The following TMPRSS7 variants were observed in gnomAD, a reference collection of about 807,000 sequenced individuals.
The protein encoded by TMPRSS7 is transmembrane protease serine 7.
In TMPRSS7, 81 loss-of-function variants were observed where a neutral mutation model predicts 95.6. The ratio of observed to expected loss-of-function variants is 0.85; its 90% CI spans 0.71 to 1.02. The LOEUF (loss-of-function observed/expected upper bound fraction) is 1.02, where lower values mean the gene tolerates loss of function less well. TMPRSS7 is among the 50% of genes least tolerant of loss of function. The pLI is 0.00. For missense variants in TMPRSS7, 945 were observed against 955.2 expected (o/e 0.99, Z 0.14); for synonymous variants, 364 against 337.8 (o/e 1.08, Z -0.85).
chr3:112,051,527 CTATCT>C (rs1440563276), intron 9 of TMPRSS7, among the ~76,000 whole-genome samples: 2 of 133,470 alleles, frequency 1.5e-5, no homozygotes, highest in African/African-American at 5.8e-5. Context: ...ATCTATCTAT[CTATCT>C]ATCTATCTAT....
intron 17 of TMPRSS7, among the ~76,000 whole-genome samples, chr3:112,080,403 G>A (rs968219290): frequency 6.6e-6 from 1 of 152,134 alleles, no homozygotes; most frequent in African/African-American, 2.4e-5. Context: ...AACCACTAAA[G>A]TTGCATGGCC....
intron 3 of TMPRSS7, chr3:112,042,986 A>T (rs2073228538): frequency 2.0e-5 from 9 of 455,550 alleles, no homozygotes; most frequent in South Asian, 1.2e-4. Context: ...GAATGAGGAA[A>T]GGTGGTGAGA....
intron 9 of TMPRSS7, among the ~76,000 whole-genome samples, chr3:112,052,649 A>G (rs895535480): frequency 6.6e-6 from 1 of 152,144 alleles, no homozygotes; most frequent in African/African-American, 2.4e-5. Flanking sequence ...TAGGGAAGGA[A>G]GAGGGAAAGG....
chr3:112,055,366 T>C (rs943536477), intron 9 of TMPRSS7, among the ~76,000 whole-genome samples: 8 of 152,062 alleles, frequency 5.3e-5, no homozygotes, highest in African/African-American at 1.9e-4. Context: ...AAACATAAAG[T>C]GCCTGATTCA....
intron 12 of TMPRSS7, among the ~76,000 whole-genome samples, chr3:112,065,655 T>C (rs2073567963): frequency 6.6e-6 from 1 of 152,212 alleles, no homozygotes; most frequent in Non-Finnish European, 1.5e-5. Context: ...AATATCCTCC[T>C]ACCTGCCCTC....
At chr3:112,045,230 G>A (rs9829091) in intron 4 of TMPRSS7, among the ~76,000 whole-genome samples, 87,705 of 151,990 alleles carry the variant, frequency 0.58, 27,101 homozygotes, top group East Asian at 0.85. Context: ...TCACTGCAAC[G>A]TCTGCCTCCC....
rs549570959 is a variant in TMPRSS7 at position 112,078,741 on chromosome 3, G to A, written c.2225-1G>A. 1.9e-6 allele frequency: 3 copies of A among 1,614,150 alleles called. No individual in the cohort carries two copies. Among genetic ancestry groups the A allele is most frequent in the African/African-American group, 1.3e-5 (1 of 75,062 alleles). ...ATTTCTACTTCCAATGTGTTTTGCAGATAATAAAGGCTCCCTCGTTCTGCA... is the reference window on the plus strand; with the variant it reads ...ATTTCTACTTCCAATGTGTTTTGCAAATAATAAAGGCTCCCTCGTTCTGCA... On this transcript the variant is annotated splice_acceptor_variant, in intron 16 of 17. Transcript: ENST00000452346. LOFTEE classifies it high-confidence loss of function.
chr3:112,078,297 G>A (rs932586388), intron 16 of TMPRSS7, among the ~76,000 whole-genome samples: 2 of 152,192 alleles, frequency 1.3e-5, no homozygotes, highest in African/African-American at 4.8e-5. Flanking sequence ...ATCTTAGCCA[G>A]GTAGGTTCAA....
exon 18 of TMPRSS7, chr3:112,080,960 A>T: frequency 6.2e-7 from 1 of 1,613,806 alleles, no homozygotes; most frequent in Non-Finnish European, 8.5e-7. Flanking sequence ...AGTGATGGAA[A>T]ATGGATTTTG....
chr3:112,078,797 G>A lies in TMPRSS7; in HGVS notation c.2280G>A (p.Thr760=), dbSNP rs780821876. The change falls in exon 17 of 18, where the codon ACG becomes ACA. Residue 760 remains threonine, a synonymous_variant. Coordinates refer to ENST00000452346, the Ensembl canonical transcript of TMPRSS7. Reference sequence around the variant, plus strand: ...CGGAGGTAGAGCTCATTGATCAAACGCTCTGTGTTTCCACCTACGGGATCA... The same window carrying A: ...CGGAGGTAGAGCTCATTGATCAAACACTCTGTGTTTCCACCTACGGGATCA... The A allele has an allele frequency of 4.3e-6, 7 of 1,614,134 alleles. No individual in the cohort carries two copies. In the Admixed American group the frequency reaches 5.0e-5, roughly 12 times the overall value.
exon 18 of TMPRSS7, chr3:112,080,945 G>A: frequency 6.2e-7 from 1 of 1,613,810 alleles, no homozygotes; most frequent in South Asian, 1.1e-5. Context: ...TCTTGTCGAA[G>A]AAAAAGTGAT....
At chr3:112,047,272 A>G (rs779672873) in intron 6 of TMPRSS7, 1 of 609,490 alleles carries the variant, frequency 1.6e-6, no homozygotes, top group Non-Finnish European at 3.0e-6. Context: ...GCCTACTTCT[A>G]TGGAGCCTTC....
chr3:112,065,943 A>G (rs747771849), intron 12 of TMPRSS7, among the ~76,000 whole-genome samples: 17 of 152,212 alleles, frequency 1.1e-4, no homozygotes, highest in Admixed American at 3.9e-4. Context: ...TCTCACATTC[A>G]TGAATTCATT....
chr3:112,044,554 CT>C (rs1040557860), intron 4 of TMPRSS7, among the ~76,000 whole-genome samples: 73 of 152,268 alleles, frequency 4.8e-4, no homozygotes, highest in Non-Finnish European at 2.4e-4. Flanking sequence ...TCCTGAACCC[CT>C]ATAGCAGTGC....
At chr3:112,044,197 T>A (rs982339180) in intron 3 of TMPRSS7, 58 bp from the exon 4 acceptor site, 5 of 1,251,708 alleles carry the variant, frequency 4.0e-6, no homozygotes, top group Admixed American at 4.0e-5. Context: ...ACATTTAAGA[T>A]ACTGTAAAAG....
intron 11 of TMPRSS7, 114 bp from the exon 12 acceptor site, chr3:112,063,411 A>T: frequency 1.4e-6 from 1 of 740,394 alleles, no homozygotes; most frequent in Non-Finnish European, 2.3e-6. Flanking sequence ...TGTAATTATT[A>T]CTGCTACCCT....
rs1461924443 is a variant in TMPRSS7 at position 112,062,219 on chromosome 3, C to T, written c.1447+296C>T. On this transcript the variant is annotated intron_variant, in intron 11 of 17. Transcript: ENST00000452346. ...CTTACACTATTCCTTAAAGACAAGA[C>T]ATGTATTGGTTTGTAGTTCTTGCTA... is the stretch of plus-strand genomic sequence containing the variant. Among the ~76,000 whole-genome samples the T allele has an allele frequency of 2.0e-5, 3 of 152,086 alleles. No homozygotes were observed. The East Asian group carries it at 5.8e-4, about 29-fold the overall frequency.
At chr3:112,055,256 C>T (rs1473671215) in intron 9 of TMPRSS7, among the ~76,000 whole-genome samples, 1 of 151,988 alleles carries the variant, frequency 6.6e-6, no homozygotes, top group East Asian at 1.9e-4. Context: ...CATTTTTTAA[C>T]CTTGGAAAAG....
intron 13 of TMPRSS7, among the ~76,000 whole-genome samples, chr3:112,067,274 G>A (rs2073589092): frequency 6.6e-6 from 1 of 152,190 alleles, no homozygotes; most frequent in Non-Finnish European, 1.5e-5. Flanking sequence ...ATTGTGAATA[G>A]TGCCGCAATA....
Sources: allele counts gnomAD v4.1 joint callset (sites outside exome capture counted in the v4.1 genomes callset), GRCh38; gene constraint gnomAD v4.1.1; transcripts MANE v1.5; gene names NCBI Gene and HGNC (gene_info 2026-07-23, HGNC 2026-07-21).